Variants in DIAPH3 observed in about 807,000 individuals in gnomAD.
The protein encoded by DIAPH3 is protein diaphanous homolog 3.
DIAPH3 carries 117 observed loss-of-function variants against 144.3 expected under a neutral mutation model. The ratio of observed to expected loss-of-function variants is 0.81; its 90% CI spans 0.70 to 0.95. The LOEUF is 0.95. Among genes scored for constraint, DIAPH3 ranks in the 40% least tolerant of loss-of-function variants. The pLI is 0.00. For synonymous variants in DIAPH3, 519 were observed against 488.9 expected (o/e 1.06, Z -0.81); for missense variants, 1,421 against 1,412.7 (o/e 1.01, Z -0.09).
In DIAPH3 at chr13:59,971,802, C is replaced by T. The variant is rs559917852; in HGVS notation, c.1651-642G>A. Reference sequence around the variant, plus strand: ...ACTTTCTTCTAATTCTGTGTATGTGCCAACCTCATGCTAATTTCAGGGCCC... The same window carrying T: ...ACTTTCTTCTAATTCTGTGTATGTGTCAACCTCATGCTAATTTCAGGGCCC... On this transcript the variant is annotated intron_variant, in intron 15 of 27. Transcript: ENST00000400324. Among the ~76,000 whole-genome samples, 144 of 152,230 alleles carry T rather than the reference C, an allele frequency of 9.5e-4. 1 individual carries two copies. Among genetic ancestry groups the T allele is most frequent in the Middle Eastern group, 3.4e-3 (1 of 294 alleles).
At chr13:59,680,556 T>C (rs2032886251) in intron 27 of DIAPH3, among the ~76,000 whole-genome samples, 2 of 150,932 alleles carry the variant, frequency 1.3e-5, no homozygotes, top group Admixed American at 6.6e-5. Context: ...GAAGACTTCT[T>C]TCCTTAGTCT....
intron 21 of DIAPH3, among the ~76,000 whole-genome samples, chr13:59,863,640 A>C (rs371859254): frequency 1.3e-5 from 2 of 152,220 alleles, no homozygotes; most frequent in East Asian, 3.9e-4. Context: ...GACACATGTA[A>C]TAGGTTCAAA....
At chr13:60,035,153 T>C (rs1642335150) in intron 5 of DIAPH3, among the ~76,000 whole-genome samples, 1 of 152,070 alleles carries the variant, frequency 6.6e-6, no homozygotes, top group African/African-American at 2.4e-5. Context: ...CCCTCTCAGG[T>C]CAACTATAAA....
chr13:59,852,118 T>C (rs751586469), intron 22 of DIAPH3, among the ~76,000 whole-genome samples: 5 of 152,114 alleles, frequency 3.3e-5, no homozygotes, highest in South Asian at 2.1e-4. Context: ...CCATAAAATA[T>C]GGTTTGAAAG....
At chr13:59,690,612 C>T (rs929820355) in intron 27 of DIAPH3, among the ~76,000 whole-genome samples, 3 of 152,154 alleles carry the variant, frequency 2.0e-5, no homozygotes, top group Admixed American at 6.5e-5. Context: ...GCCTGGGAAC[C>T]TAACCACCAT....
At chr13:59,946,993 A>G (rs1403489698) in intron 17 of DIAPH3, among the ~76,000 whole-genome samples, 4 of 152,198 alleles carry the variant, frequency 2.6e-5, no homozygotes, top group Non-Finnish European at 5.9e-5. Flanking sequence ...AGAACTGTCA[A>G]TCAGCACCAT....
At chr13:59,851,595 G>T (rs977241431) in intron 22 of DIAPH3, among the ~76,000 whole-genome samples, 1 of 150,348 alleles carries the variant, frequency 6.7e-6, no homozygotes, top group Non-Finnish European at 1.5e-5. Flanking sequence ...AATGGATGAG[G>T]TATTCAGTAA....
At chr13:59,979,858 A>C (rs1201609400) in intron 14 of DIAPH3, among the ~76,000 whole-genome samples, 3 of 151,634 alleles carry the variant, frequency 2.0e-5, no homozygotes, top group Non-Finnish European at 4.4e-5. Context: ...AATTATCGTC[A>C]CTCCTTCAAT....
At chr13:60,132,870 C>T in intron 2 of DIAPH3, 87 bp downstream of exon 2, 1 of 1,135,514 alleles carries the variant, frequency 8.8e-7, no homozygotes, top group South Asian at 1.3e-5. Context: ...GACTTTTAGC[C>T]ATTTCAAAGA....
At chr13:59,932,937 G>A (rs1429000911) in intron 17 of DIAPH3, among the ~76,000 whole-genome samples, 1 of 152,126 alleles carries the variant, frequency 6.6e-6, no homozygotes, top group Non-Finnish European at 1.5e-5. Flanking sequence ...CATATTGAGA[G>A]ATAACAAAAG....
intron 24 of DIAPH3, among the ~76,000 whole-genome samples, chr13:59,824,636 G>A (rs916245373): frequency 2.0e-5 from 3 of 152,084 alleles, no homozygotes; most frequent in Admixed American, 2.0e-4. Context: ...ATTAAGTTAC[G>A]GGAGAAAGAG....
chr13:59,962,882 TA>T (rs1341620439), intron 17 of DIAPH3, among the ~76,000 whole-genome samples: 2 of 152,194 alleles, frequency 1.3e-5, no homozygotes, highest in African/African-American at 4.8e-5. Flanking sequence ...TCAACTTAAC[TA>T]AAATAATTCT....
At chr13:60,082,353 G>A (rs775968114) in intron 4 of DIAPH3, among the ~76,000 whole-genome samples, 1 of 148,522 alleles carries the variant, frequency 6.7e-6, no homozygotes, top group Non-Finnish European at 1.5e-5. Flanking sequence ...CAGAATCCAT[G>A]AAAAAGAAAA....
At chr13:59,980,924 T>A in intron 13 of DIAPH3, 65 bp from the exon 14 acceptor site, 1 of 1,334,914 alleles carries the variant, frequency 7.5e-7, no homozygotes, top group Non-Finnish European at 1.1e-6. Context: ...ACTTCAAAAG[T>A]TTAGAAAGAA....
intron 26 of DIAPH3, 39 bp downstream of exon 26, chr13:59,774,689 G>T (rs369382898): frequency 6.4e-7 from 1 of 1,551,226 alleles, no homozygotes. Flanking sequence ...CTCTGTGATA[G>T]CTCCCTAGAA....
At chr13:59,675,603 C>T (rs889458662) in intron 27 of DIAPH3, among the ~76,000 whole-genome samples, 7 of 152,120 alleles carry the variant, frequency 4.6e-5, no homozygotes, top group Non-Finnish European at 8.8e-5. Context: ...CCAGGATGGT[C>T]TCGATCTCCT....
chr13:60,092,505 T>G (rs1232635126), intron 4 of DIAPH3, among the ~76,000 whole-genome samples: 2 of 151,940 alleles, frequency 1.3e-5, no homozygotes, highest in African/African-American at 4.8e-5. Flanking sequence ...ACAAAAAATT[T>G]CCAGGCGTGG....
intron 20 of DIAPH3, among the ~76,000 whole-genome samples, chr13:59,880,097 A>G (rs1423158819): frequency 6.6e-6 from 1 of 152,196 alleles, no homozygotes; most frequent in Admixed American, 6.5e-5. Flanking sequence ...GTGCAAACCC[A>G]CAAATCTATC....
intron 9 of DIAPH3, among the ~76,000 whole-genome samples, chr13:59,994,786 G>A (rs373152345): frequency 9.7e-4 from 147 of 151,862 alleles, no homozygotes; most frequent in African/African-American, 3.2e-3. Context: ...GGGGAGTAAC[G>A]GGAAGAAGTC....
Sources: gnomAD v4.1 joint callset for allele counts (sites outside exome capture counted in the v4.1 genomes callset) on GRCh38, gnomAD v4.1.1 for gene constraint, MANE v1.5 for transcripts, NCBI Gene and HGNC (gene_info 2026-07-23, HGNC 2026-07-21) for gene names.